GRID2: variants seen among roughly 807,000 people sequenced by gnomAD.
The protein encoded by GRID2 is glutamate ionotropic receptor delta type subunit 2, also known as glutamate receptor ionotropic, delta-2.
In GRID2, 33 loss-of-function variants were observed where a neutral mutation model predicts 114.8. The ratio of observed to expected loss-of-function variants is 0.29; its 90% CI spans 0.22 to 0.38. GRID2 has a LOEUF of 0.38. GRID2 is among the 10% of genes least tolerant of loss of function. GRID2 has a pLI of 1.00. For synonymous variants in GRID2, 505 were observed against 449.9 expected, an observed-to-expected ratio of 1.12 and a Z score of -1.55; for missense variants, 1,184 against 1,257.7, an observed-to-expected ratio of 0.94 and a Z score of 0.89.
Position 92,719,507 on chromosome 4 carries a change from A to G in GRID2, c.244+129221A>G, listed in dbSNP as rs192024447. Among the ~76,000 whole-genome samples the G allele has an allele frequency of 1.8e-4, 27 of 152,308 alleles. 2 individuals are homozygous for G. The highest frequency in any genetic ancestry group is 1.7e-3 in the Admixed American group (26 of 15,278). On this transcript the variant is annotated intron_variant, in intron 2 of 15. Transcript: ENST00000282020. ...AGGTACATTATGTTTAGACCAAAAC[A>G]TTAAAAAACAACATTGCTTAATAGC...
chr4:93,730,787 G>A (rs1346680288), intron 14 of GRID2, among the ~76,000 whole-genome samples: 2 of 152,352 alleles, frequency 1.3e-5, no homozygotes, highest in Middle Eastern at 3.4e-3. Flanking sequence ...TCCCTGTAAG[G>A]TGGTTTCAGC....
At chr4:92,446,453 T>G (rs560282596) in intron 1 of GRID2, among the ~76,000 whole-genome samples, 2 of 137,364 alleles carry the variant, frequency 1.5e-5, no homozygotes, top group African/African-American at 4.9e-5. Context: ...ATTCAACATT[T>G]ACTAATACTA....
chr4:92,656,202 C>T (rs998986395), intron 2 of GRID2, among the ~76,000 whole-genome samples: 3 of 151,604 alleles, frequency 2.0e-5, no homozygotes, highest in Non-Finnish European at 4.4e-5. Flanking sequence ...CACTGACTAG[C>T]TTTTGTATTT....
At chr4:93,585,905 T>C (rs970685240) in intron 13 of GRID2, among the ~76,000 whole-genome samples, 10 of 152,152 alleles carry the variant, frequency 6.6e-5, no homozygotes, top group Non-Finnish European at 1.5e-4. Context: ...AAATAAAAGA[T>C]GCTCTTGCTT....
chr4:92,757,973 G>C (rs1010020053), intron 2 of GRID2, among the ~76,000 whole-genome samples: 4 of 152,050 alleles, frequency 2.6e-5, no homozygotes, highest in Non-Finnish European at 5.9e-5. Context: ...AAGAACATGG[G>C]GGTGAGATGG....
intron 2 of GRID2, among the ~76,000 whole-genome samples, chr4:92,711,733 T>C (rs1374594636): frequency 6.6e-6 from 1 of 152,038 alleles, no homozygotes; most frequent in Non-Finnish European, 1.5e-5. Flanking sequence ...TAAAACTCTG[T>C]CTTTACAAAA....
intron 1 of GRID2, among the ~76,000 whole-genome samples, chr4:92,380,283 C>G (rs1468294626): frequency 6.6e-6 from 1 of 151,034 alleles, no homozygotes; most frequent in Non-Finnish European, 1.5e-5. Flanking sequence ...TGAAACATAC[C>G]ATTTCTATTC....
intron 2 of GRID2, among the ~76,000 whole-genome samples, chr4:92,633,296 A>C (rs1270853979): frequency 5.3e-5 from 8 of 152,166 alleles, no homozygotes; most frequent in Admixed American, 5.2e-4. Context: ...AGGGAAAAAA[A>C]AACTTTGTTT....
chr4:92,617,565 G>T (rs1007530541), intron 2 of GRID2, among the ~76,000 whole-genome samples: 2 of 151,678 alleles, frequency 1.3e-5, no homozygotes, highest in Non-Finnish European at 2.9e-5. Context: ...TGTTATGTCT[G>T]CATGGTAATG....
At chr4:92,889,475 T>A (rs1178862731) in intron 2 of GRID2, among the ~76,000 whole-genome samples, 2 of 152,046 alleles carry the variant, frequency 1.3e-5, no homozygotes, top group East Asian at 3.9e-4. Context: ...TGTACACCAA[T>A]AATAGACAAA....
intron 4 of GRID2, among the ~76,000 whole-genome samples, chr4:93,113,595 C>A (rs146649497): frequency 2.0e-3 from 303 of 152,280 alleles, no homozygotes; most frequent in Non-Finnish European, 3.5e-3. Flanking sequence ...AACAAAGATC[C>A]CATTCCTTTT....
chr4:93,303,846 A>G (rs937922221), intron 8 of GRID2, among the ~76,000 whole-genome samples: 1 of 152,132 alleles, frequency 6.6e-6, no homozygotes, highest in African/African-American at 2.4e-5. Context: ...GCTTTATCAA[A>G]CAACACTCAA....
At position 93,021,019 on chromosome 4, in the gene GRID2, C is replaced by A. The variant is rs375070774; in HGVS notation, c.245-63976C>A. 1.4e-4 allele frequency among the ~76,000 whole-genome samples: 20 copies of A among 145,424 alleles called. No individual in the cohort carries two copies. In the South Asian group the frequency reaches 2.0e-3, roughly 14 times the overall value. On this transcript the variant is annotated intron_variant, in intron 2 of 15. Coordinates refer to ENST00000282020, the MANE Select transcript of GRID2 (RefSeq NM_001510.4). The stretch of plus-strand genomic sequence containing the variant: ...TTGCATTCCAGCCTGGGTGACAGAG[C>A]GAGAATTTGTCTCAAAAAAAAAAAA...
chr4:92,865,777 C>T (rs763516466), intron 2 of GRID2, among the ~76,000 whole-genome samples: 8 of 152,074 alleles, frequency 5.3e-5, no homozygotes, highest in South Asian at 2.1e-4. Flanking sequence ...AATAATATTT[C>T]GGCCATAAAG....
chr4:93,250,768 A>T (rs1025120477), intron 8 of GRID2, among the ~76,000 whole-genome samples: 64 of 146,128 alleles, frequency 4.4e-4, no homozygotes, highest in African/African-American at 1.5e-3. Flanking sequence ...ATATATATAT[A>T]AAAAAAGTGT....
intron 13 of GRID2, among the ~76,000 whole-genome samples, chr4:93,574,613 G>A (rs141068738): frequency 1.1e-4 from 17 of 152,154 alleles, no homozygotes; most frequent in African/African-American, 4.1e-4. Context: ...GATCTTGTGA[G>A]ACTTATTCAC....
chr4:93,717,309 G>T (rs768636340), intron 14 of GRID2, among the ~76,000 whole-genome samples: 3 of 151,948 alleles, frequency 2.0e-5, no homozygotes, highest in East Asian at 1.9e-4. Context: ...TTTAAAGTTG[G>T]TTTTTTATTG....
intron 1 of GRID2, among the ~76,000 whole-genome samples, chr4:92,308,119 G>A (rs1234719198): frequency 1.3e-5 from 2 of 152,088 alleles, no homozygotes; most frequent in African/African-American, 2.4e-5. Context: ...TACATCAGTC[G>A]TCCCACACTC....
At chr4:93,533,784 G>T (rs925030236) in intron 13 of GRID2, among the ~76,000 whole-genome samples, 1 of 151,788 alleles carries the variant, frequency 6.6e-6, no homozygotes, top group African/African-American at 2.4e-5. Flanking sequence ...CTGGATTATT[G>T]CAATAGCTTT....
Sources: gnomAD v4.1 joint callset for allele counts (sites outside exome capture counted in the v4.1 genomes callset) on GRCh38, gnomAD v4.1.1 for gene constraint, MANE v1.5 for transcripts, NCBI Gene and HGNC (gene_info 2026-07-23, HGNC 2026-07-21) for gene names.